The following DMD variants were observed in gnomAD, a reference collection of about 807,000 sequenced individuals.
DMD encodes the protein dystrophin.
Under a neutral mutation model 330.1 loss-of-function variants are expected in DMD, and 63 were observed. That is an observed-to-expected ratio of 0.19 (90% confidence interval 0.16 to 0.24). The LOEUF is 0.24. DMD is among the 10% of genes least tolerant of loss of function. The pLI is 1.00. For synonymous variants in DMD, 1,223 were observed against 959.8 expected, an observed-to-expected ratio of 1.27 and a Z score of -5.07; for missense variants, 3,344 against 2,684.1, an observed-to-expected ratio of 1.25 and a Z score of -5.43.
chrX:32,523,040 G>A (rs979764413), intron 17 of DMD, among the ~76,000 whole-genome samples: 9 of 111,903 alleles, frequency 8.0e-5, no homozygotes, highest in African/African-American at 2.9e-4. Flanking sequence ...ACTCAAACGT[G>A]CCTCAAGGTA....
At chrX:32,625,642 C>A (rs905733722) in intron 11 of DMD, among the ~76,000 whole-genome samples, 3 of 112,044 alleles carry the variant, frequency 2.7e-5, no homozygotes, top group Non-Finnish European at 5.6e-5. Flanking sequence ...TTAATTTCAG[C>A]CTGTATTTGA....
At chrX:31,307,684 ATG>A (rs1383634735) in intron 62 of DMD, among the ~76,000 whole-genome samples, 1 of 112,008 alleles carries the variant, frequency 8.9e-6, no homozygotes, top group Non-Finnish European at 1.9e-5. Context: ...AATCTTTTGT[ATG>A]TGTCTGGTAA....
chrX:32,568,453 G>C (rs770801995), intron 15 of DMD, among the ~76,000 whole-genome samples: 17 of 105,783 alleles, frequency 1.6e-4, no homozygotes, highest in South Asian at 4.3e-4. Context: ...GTTGCCCTGA[G>C]CCGAGATCAC....
chrX:32,217,992 G>T (rs2097119527), intron 43 of DMD, among the ~76,000 whole-genome samples: 1 of 111,318 alleles, frequency 9.0e-6, no homozygotes, highest in African/African-American at 3.3e-5. Flanking sequence ...TTTTAGATTG[G>T]AATACTGCAG....
intron 41 of DMD, among the ~76,000 whole-genome samples, chrX:32,327,983 A>G (rs1296510903): frequency 2.7e-5 from 3 of 111,783 alleles, no homozygotes; most frequent in Non-Finnish European, 3.8e-5. Context: ...TAATTGGCTT[A>G]TATTATATCC....
At chrX:33,056,794 CATA>C (rs1315546164) in intron 1 of DMD, among the ~76,000 whole-genome samples, 1 of 111,531 alleles carries the variant, frequency 9.0e-6, no homozygotes, top group African/African-American at 3.3e-5. Flanking sequence ...GTTTATATAC[CATA>C]ATATCCCTTT....
At chrX:33,062,264 T>C (rs1199835261) in intron 1 of DMD, among the ~76,000 whole-genome samples, 9 of 111,784 alleles carry the variant, frequency 8.1e-5, no homozygotes, top group Admixed American at 1.9e-4. Flanking sequence ...TGAATAATCA[T>C]CTTTGGCAAT....
At chrX:33,012,771 G>A (rs1026422326) in intron 2 of DMD, among the ~76,000 whole-genome samples, 1 of 111,104 alleles carries the variant, frequency 9.0e-6, no homozygotes, top group Non-Finnish European at 1.9e-5. Flanking sequence ...ATTTAAAGTA[G>A]GGTAGGCTAA....
At chrX:33,209,635 T>C (rs1380802680) in intron 1 of DMD, among the ~76,000 whole-genome samples, 3 of 111,441 alleles carry the variant, frequency 2.7e-5, no homozygotes, top group African/African-American at 9.7e-5. Flanking sequence ...ACAGCAAAAT[T>C]TAATGTATAA....
At chrX:32,054,203 T>C (rs2096145019) in intron 44 of DMD, among the ~76,000 whole-genome samples, 1 of 108,555 alleles carries the variant, frequency 9.2e-6, no homozygotes, top group Non-Finnish European at 1.9e-5. Context: ...CTTTTTTTTT[T>C]TTATTATACT....
intron 63 of DMD, among the ~76,000 whole-genome samples, chrX:31,239,625 A>G (rs1018935940): frequency 2.7e-5 from 3 of 111,588 alleles, no homozygotes; most frequent in East Asian, 2.8e-4. Flanking sequence ...ATTGCTCCCA[A>G]TTCGAACAGA....
chrX:33,136,510 C>T (rs2148563708), intron 1 of DMD, among the ~76,000 whole-genome samples: 1 of 108,256 alleles, frequency 9.2e-6, no homozygotes, highest in East Asian at 2.9e-4. Flanking sequence ...ATTTGTGTCC[C>T]TCCAAAATTC....
intron 41 of DMD, among the ~76,000 whole-genome samples, chrX:32,323,237 C>A (rs938003071): frequency 8.9e-6 from 1 of 111,762 alleles, no homozygotes; most frequent in Admixed American, 9.5e-5. Context: ...TAGTTACATG[C>A]AAACACTATG....
At chrX:32,706,270 T>G (rs1314529332) in intron 7 of DMD, among the ~76,000 whole-genome samples, 1 of 100,326 alleles carries the variant, frequency 1.0e-5, no homozygotes, top group African/African-American at 3.6e-5. Flanking sequence ...CATTAGGAGA[T>G]ATACCTAATG....
intron 61 of DMD, among the ~76,000 whole-genome samples, chrX:31,325,877 A>G (rs187709009): frequency 1.1e-3 from 118 of 111,069 alleles, no homozygotes; most frequent in African/African-American, 3.6e-3. Flanking sequence ...AAACTGAGAA[A>G]AGAATGGCTA....
chrX:32,882,439 C>G (rs1017386016), intron 2 of DMD, among the ~76,000 whole-genome samples: 1 of 112,047 alleles, frequency 8.9e-6, no homozygotes, highest in African/African-American at 3.2e-5. Context: ...ACACATCATC[C>G]CAAACCCAAA....
chrX:31,444,856 A>G, intron 59 of DMD, among the ~76,000 whole-genome samples: 1 of 110,894 alleles, frequency 9.0e-6, no homozygotes, highest in Middle Eastern at 4.6e-3. Context: ...GCCTTTAGGG[A>G]GGTGATTTTT....
At chrX:32,480,598 T>G (rs762098451) in intron 21 of DMD, among the ~76,000 whole-genome samples, 3 of 111,719 alleles carry the variant, frequency 2.7e-5, no homozygotes, top group African/African-American at 9.7e-5. Flanking sequence ...AGTATGTGTC[T>G]GTGTGTGTAC....
rs778791397 is a variant in DMD, at chrX:32,508,863, T to C, written c.2293-7021A>G. On this transcript the variant is annotated intron_variant, in intron 18 of 78. Transcript: ENST00000357033. The stretch of plus-strand genomic sequence containing the variant: ...TCTCGCTCTGTCGCCCAGGCTGGAG[T>C]GCAGTGGCGCAATCTTGGCTCACTG... Among the ~76,000 whole-genome samples the C allele has an allele frequency of 6.8e-4, 75 of 110,335 alleles. 1 individual carries two copies. Among genetic ancestry groups the C allele is most frequent in the Non-Finnish European group, 1.1e-3 (59 of 52,726 alleles).
Sources: gnomAD v4.1 joint callset for allele counts (sites outside exome capture counted in the v4.1 genomes callset) on GRCh38, gnomAD v4.1.1 for gene constraint, MANE v1.5 for transcripts, NCBI Gene and HGNC (gene_info 2026-07-23, HGNC 2026-07-21) for gene names.